The following PTPRD variants were observed in gnomAD, a reference collection of about 807,000 sequenced individuals.
PTPRD encodes the protein protein tyrosine phosphatase receptor type D, also known as receptor-type tyrosine-protein phosphatase delta.
A neutral mutation model predicts 214.5 loss-of-function variants in PTPRD; 34 were observed. The ratio of observed to expected loss-of-function variants is 0.16; its 90% CI spans 0.12 to 0.21. The LOEUF (loss-of-function observed/expected upper bound fraction) is 0.21, where lower values mean the gene tolerates loss of function less well. Among genes scored for constraint, PTPRD ranks in the 10% least tolerant of loss-of-function variants. The probability of loss-of-function intolerance (pLI) is 1.00; values close to 1 mark genes in which losing one functional copy is unlikely to be tolerated. For synonymous variants in PTPRD, 1,128 were observed against 845.7 expected (o/e 1.33, Z -5.79); for missense variants, 2,545 against 2,398.7 (o/e 1.06, Z -1.27).
chr9:10,318,269 T>C (rs2096484113), intron 3 of PTPRD, among the ~76,000 whole-genome samples: 1 of 152,010 alleles, frequency 6.6e-6, no homozygotes, highest in Admixed American at 6.6e-5. Context: ...TAACAAGAAG[T>C]CAGAAGATGG....
At chr9:9,661,442 G>C (rs2096620210) in intron 7 of PTPRD, among the ~76,000 whole-genome samples, 1 of 151,698 alleles carries the variant, frequency 6.6e-6, no homozygotes, top group African/African-American at 2.4e-5. Flanking sequence ...TCTTCATGTT[G>C]CTGCCATTTA....
intron 3 of PTPRD, among the ~76,000 whole-genome samples, chr9:10,047,263 A>G (rs1178626052): frequency 4.7e-5 from 7 of 149,132 alleles, no homozygotes; most frequent in Non-Finnish European, 8.9e-5. Flanking sequence ...ATCCTAATCT[A>G]TCTATATTTT....
chr9:9,358,385 C>T (rs1175421894), intron 9 of PTPRD, among the ~76,000 whole-genome samples: 1 of 151,148 alleles, frequency 6.6e-6, no homozygotes, highest in Non-Finnish European at 1.5e-5. Context: ...ATAATGAAAT[C>T]AGAAAAGAAT....
intron 9 of PTPRD, among the ~76,000 whole-genome samples, chr9:9,301,078 A>C (rs1001640790): frequency 4.6e-5 from 7 of 151,828 alleles, no homozygotes; most frequent in African/African-American, 1.7e-4. Flanking sequence ...TAAACACAGA[A>C]GTCTTTCATA....
intron 3 of PTPRD, among the ~76,000 whole-genome samples, chr9:10,144,269 C>T (rs1056774150): frequency 6.6e-6 from 1 of 152,026 alleles, no homozygotes; most frequent in Admixed American, 6.6e-5. Context: ...TAATACTCTT[C>T]TCTCCAAAAA....
chr9:10,528,073 A>G (rs1391450344), intron 2 of PTPRD, among the ~76,000 whole-genome samples: 1 of 152,140 alleles, frequency 6.6e-6, no homozygotes, highest in Non-Finnish European at 1.5e-5. Flanking sequence ...ATCATACCCT[A>G]TAACACACAC....
intron 8 of PTPRD, among the ~76,000 whole-genome samples, chr9:9,426,627 C>T (rs145201758): frequency 5.3e-4 from 80 of 152,292 alleles, no homozygotes; most frequent in African/African-American, 1.6e-3. Flanking sequence ...GACCCTGACC[C>T]CCGAGTCGCC....
intron 10 of PTPRD, among the ~76,000 whole-genome samples, chr9:9,119,809 C>T (rs1161553290): frequency 1.3e-5 from 2 of 151,674 alleles, no homozygotes; most frequent in Non-Finnish European, 2.9e-5. Flanking sequence ...CAGGAGTAAG[C>T]CACCATGCCT....
At chr9:8,671,978 C>G (rs950538771) in intron 12 of PTPRD, among the ~76,000 whole-genome samples, 1 of 152,160 alleles carries the variant, frequency 6.6e-6, no homozygotes, top group African/African-American at 2.4e-5. Context: ...AAACATCTCA[C>G]GAGTCCATAA....
intron 10 of PTPRD, among the ~76,000 whole-genome samples, chr9:9,131,253 T>A (rs1202360471): frequency 6.6e-6 from 1 of 152,196 alleles, no homozygotes; most frequent in South Asian, 2.1e-4. Flanking sequence ...AATTTAACTG[T>A]TTTCTTTCAG....
intron 8 of PTPRD, among the ~76,000 whole-genome samples, chr9:9,418,492 T>C (rs2077650540): frequency 6.6e-6 from 1 of 151,992 alleles, no homozygotes; most frequent in South Asian, 2.1e-4. Context: ...GGACTGGCAG[T>C]AGACTGACTT....
intron 2 of PTPRD, among the ~76,000 whole-genome samples, chr9:10,595,967 T>G (rs111272620): frequency 1.3e-5 from 2 of 151,858 alleles, no homozygotes; most frequent in Non-Finnish European, 2.9e-5. Flanking sequence ...TCGTGTGATT[T>G]GTAGTGCATT....
chr9:8,393,394 A>G (rs2090202590), intron 36 of PTPRD, among the ~76,000 whole-genome samples: 1 of 152,194 alleles, frequency 6.6e-6, no homozygotes, highest in African/African-American at 2.4e-5. Context: ...CCTTCCTCCA[A>G]TACTAGAATA....
chr9:8,934,480 TATATATATATATAAATATATATATAA>T (rs1167147856), intron 11 of PTPRD, among the ~76,000 whole-genome samples: 6 of 8,086 alleles, frequency 7.4e-4, no homozygotes, highest in South Asian at 0.013. Context: ...TATATATAAA[TATATATATATATAAATATATATATAA>T]ATATATATAT....
intron 9 of PTPRD, among the ~76,000 whole-genome samples, chr9:9,184,659 G>A (rs1438305612): frequency 1.3e-5 from 2 of 152,034 alleles, no homozygotes; most frequent in Non-Finnish European, 2.9e-5. Flanking sequence ...CACTTAGCCT[G>A]TTTGGTTTAT....
chr9:10,435,056 CA>C (rs2098708491), intron 2 of PTPRD, among the ~76,000 whole-genome samples: 1 of 151,820 alleles, frequency 6.6e-6, no homozygotes, highest in Non-Finnish European at 1.5e-5. Flanking sequence ...ATTTGAATCT[CA>C]AGTAAGAATA....
At chr9:9,339,979 T>C (rs1286213140) in intron 9 of PTPRD, among the ~76,000 whole-genome samples, 1 of 152,148 alleles carries the variant, frequency 6.6e-6, no homozygotes, top group Non-Finnish European at 1.5e-5. Flanking sequence ...AAACATACTT[T>C]AATTGGGTAG....
At chr9:10,281,360 C>T (rs987390095) in intron 3 of PTPRD, among the ~76,000 whole-genome samples, 1 of 152,166 alleles carries the variant, frequency 6.6e-6, no homozygotes, top group Non-Finnish European at 1.5e-5. Flanking sequence ...AAAAATAAGG[C>T]TGGCTCTCAC....
rs183814797 is a variant in PTPRD at position 8,641,113 on chromosome 9, C to T, written c.65-4269G>A. On this transcript the variant is annotated intron_variant, in intron 12 of 45. Transcript: ENST00000381196. Reference sequence around the variant, plus strand: ...TAAAAGGAACATGATGAATCGTCTGCCTTATTTTGTCATAGATATTGTCCA... The same window carrying T: ...TAAAAGGAACATGATGAATCGTCTGTCTTATTTTGTCATAGATATTGTCCA... 1.3e-3 allele frequency among the ~76,000 whole-genome samples: 193 copies of T among 148,442 alleles called. 1 individual carries two copies. Among genetic ancestry groups the T allele is most frequent in the Non-Finnish European group, 2.9e-4 (20 of 67,986 alleles).
Sources: gnomAD v4.1 joint callset for allele counts (sites outside exome capture counted in the v4.1 genomes callset) on GRCh38, gnomAD v4.1.1 for gene constraint, MANE v1.5 for transcripts, NCBI Gene and HGNC (gene_info 2026-07-23, HGNC 2026-07-21) for gene names.